LANCL2: variants seen among roughly 807,000 people sequenced by gnomAD.
LANCL2 encodes LanC like glutathione S-transferase 2, also known as lanC-like protein 2.
In LANCL2, 33 loss-of-function variants were observed where a neutral mutation model predicts 56.9. That is an observed-to-expected ratio of 0.58 (90% CI 0.44 to 0.78). LANCL2 has a LOEUF of 0.78. Ranked by LOEUF, LANCL2 falls within the 30% of genes least tolerant of loss-of-function variation. The pLI, the probability that LANCL2 is intolerant of heterozygous loss-of-function variation, is 0.00. For missense variants in LANCL2, 562 were observed against 580.2 expected (o/e 0.97, Z 0.32); for synonymous variants, 233 against 228.2 (o/e 1.02, Z -0.19).
intron 1 of LANCL2, among the ~76,000 whole-genome samples, chr7:55,367,103 T>TA (rs1235856163): frequency 1.3e-5 from 2 of 152,358 alleles, no homozygotes; most frequent in Admixed American, 1.3e-4. Context: ...AAATAATCCT[T>TA]ATGCCAGAGA....
At chr7:55,367,196 A>T (rs555296744) in intron 1 of LANCL2, among the ~76,000 whole-genome samples, 2 of 152,344 alleles carry the variant, frequency 1.3e-5, no homozygotes, top group African/African-American at 4.8e-5. Flanking sequence ...AGTGGGAATA[A>T]AACAGAAGAT....
At chr7:55,397,656 CTTTTT>C (rs10659615) in intron 2 of LANCL2, among the ~76,000 whole-genome samples, 2 of 108,852 alleles carry the variant, frequency 1.8e-5, no homozygotes, top group Non-Finnish European at 3.6e-5. Context: ...TATACTGATT[CTTTTT>C]TTTTTTTTTT....
At chr7:55,388,577 C>T (rs1304001713) in intron 1 of LANCL2, among the ~76,000 whole-genome samples, 4 of 152,196 alleles carry the variant, frequency 2.6e-5, no homozygotes, top group African/African-American at 7.2e-5. Context: ...TTAAGCTTTA[C>T]AGGAGGACTT....
In LANCL2 at chr7:55,375,135, G is replaced by A. The variant is rs569132279; in HGVS notation, c.204+8906G>A. On this transcript the variant is annotated intron_variant, in intron 1 of 8. Transcript: ENST00000254770. The stretch of plus-strand genomic sequence containing the variant: ...CTTAGGAGCTATTTATTATGTGCAT[G>A]TTGAACACTTGTTTTTAGACTTTTC... Among the ~76,000 whole-genome samples the A allele has an allele frequency of 3.3e-5, 5 of 152,278 alleles. No homozygotes were observed. The East Asian group carries it at 5.8e-4, about 18-fold the overall frequency.
intron 4 of LANCL2, among the ~76,000 whole-genome samples, chr7:55,400,587 A>G (rs376088625): frequency 3.3e-5 from 5 of 152,180 alleles, no homozygotes; most frequent in African/African-American, 1.2e-4. Context: ...CTCCCATCCC[A>G]GTGCCAGAAC....
chr7:55,411,335 T>C (rs2128995188), intron 5 of LANCL2: 1 of 152,358 alleles, frequency 6.6e-6, no homozygotes, highest in South Asian at 2.1e-4. Flanking sequence ...TAAATTCTAG[T>C]AGGTAACATT....
intron 1 of LANCL2, among the ~76,000 whole-genome samples, chr7:55,382,433 C>T (rs1790079686): frequency 6.6e-6 from 1 of 152,194 alleles, no homozygotes; most frequent in Non-Finnish European, 1.5e-5. Flanking sequence ...CCGCTGCCCA[C>T]ACAGAGCTGC....
intron 2 of LANCL2, among the ~76,000 whole-genome samples, chr7:55,393,068 C>T (rs1790210687): frequency 6.6e-6 from 1 of 152,178 alleles, no homozygotes. Flanking sequence ...CTAATCTTTG[C>T]ATTCTTATTA....
chr7:55,370,273 T>C (rs1361828314), intron 1 of LANCL2, among the ~76,000 whole-genome samples: 1 of 152,206 alleles, frequency 6.6e-6, no homozygotes, highest in Non-Finnish European at 1.5e-5. Context: ...GAGAAAAGTA[T>C]GCAAGAGCAC....
intron 1 of LANCL2, among the ~76,000 whole-genome samples, chr7:55,377,146 AC>A: frequency 6.6e-6 from 1 of 152,314 alleles, no homozygotes. Flanking sequence ...TATAAAATCT[AC>A]CCTTTATTTT....
chr7:55,400,499 T>C (rs1790309275), intron 4 of LANCL2, among the ~76,000 whole-genome samples: 1 of 152,172 alleles, frequency 6.6e-6, no homozygotes, highest in Non-Finnish European at 1.5e-5. Context: ...CCTCAGCCTA[T>C]GAAGGGAAAA....
At chr7:55,396,601 G>A (rs187213995) in intron 2 of LANCL2, among the ~76,000 whole-genome samples, 61 of 152,298 alleles carry the variant, frequency 4.0e-4, no homozygotes, top group East Asian at 3.9e-4. Flanking sequence ...TCACAGGCGC[G>A]TGCTCCCCAG....
intron 6 of LANCL2, among the ~76,000 whole-genome samples, chr7:55,422,229 A>G (rs1790616586): frequency 6.6e-6 from 1 of 152,046 alleles, no homozygotes; most frequent in African/African-American, 2.4e-5. Flanking sequence ...CAACAAATTG[A>G]TTTTCATTTG....
At chr7:55,368,364 G>A (rs1398486109) in intron 1 of LANCL2, among the ~76,000 whole-genome samples, 1 of 152,196 alleles carries the variant, frequency 6.6e-6, no homozygotes, top group East Asian at 1.9e-4. Flanking sequence ...ATGTAAGTTG[G>A]GGTGGGGACC....
intron 1 of LANCL2, among the ~76,000 whole-genome samples, chr7:55,366,792 C>G (rs183372048): frequency 1.3e-5 from 2 of 152,326 alleles, no homozygotes; most frequent in East Asian, 1.9e-4. Context: ...GAAAAACATA[C>G]ATCTCTTGAA....
intron 1 of LANCL2, among the ~76,000 whole-genome samples, chr7:55,385,172 AGTGAAACCCC>A (rs2128992177): frequency 6.6e-6 from 1 of 152,154 alleles, no homozygotes; most frequent in Non-Finnish European, 1.5e-5. Context: ...GGGTGACAGG[AGTGAAACCCC>A]GTCTGAAAAA....
intron 6 of LANCL2, among the ~76,000 whole-genome samples, chr7:55,414,289 G>T (rs1158309774): frequency 6.7e-6 from 1 of 150,148 alleles, no homozygotes; most frequent in Non-Finnish European, 1.5e-5. Flanking sequence ...TTCAGTGGGG[G>T]AGGCAAAACT....
At chr7:55,394,528 C>G (rs928217471) in intron 2 of LANCL2, among the ~76,000 whole-genome samples, 16 of 152,296 alleles carry the variant, frequency 1.1e-4, no homozygotes, top group African/African-American at 3.6e-4. Context: ...CTGCTGCACT[C>G]CAGCCTGGGT....
chr7:55,375,374 G>GT (rs1789989322), intron 1 of LANCL2, among the ~76,000 whole-genome samples: 1 of 152,196 alleles, frequency 6.6e-6, no homozygotes, highest in Non-Finnish European at 1.5e-5. Flanking sequence ...CCTCAGGAAT[G>GT]CCCATGGCAT....
Sources: gnomAD v4.1 joint callset for allele counts (sites outside exome capture counted in the v4.1 genomes callset) on GRCh38, gnomAD v4.1.1 for gene constraint, MANE v1.5 for transcripts, NCBI Gene and HGNC (gene_info 2026-07-23, HGNC 2026-07-21) for gene names.